The following LRRC18 variants were observed in gnomAD, a reference collection of about 807,000 sequenced individuals.
LRRC18 encodes leucine rich repeat containing 18.
LRRC18 carries 12 observed loss-of-function variants against 11.2 expected under a neutral mutation model. The ratio of observed to expected loss-of-function variants is 1.07; its 90% CI spans 0.69 to 1.74. The LOEUF is 1.74. Ranked by LOEUF, LRRC18 falls within the 40% of genes most tolerant of loss-of-function variation. The pLI is 0.00. For missense variants in LRRC18, 374 were observed against 330.5 expected (o/e 1.13, Z -1.02); for synonymous variants, 155 against 130.6 (o/e 1.19, Z -1.27).
the LRRC18 span, among the ~76,000 whole-genome samples, chr10:48,923,526 G>A: frequency 0.5 from 59,878 of 120,018 alleles, 19,318 homozygotes; most frequent in East Asian, 0.99. Context: ...CCCAAATACC[G>A]CATAGTCCTG....
chr10:48,925,091 T>C, the LRRC18 span, among the ~76,000 whole-genome samples: 1 of 152,202 alleles, frequency 6.6e-6, no homozygotes, highest in Admixed American at 6.5e-5. Flanking sequence ...CTTTTACTTG[T>C]CGGTCATCTC....
the LRRC18 span, among the ~76,000 whole-genome samples, chr10:48,920,538 A>G: frequency 6.6e-6 from 1 of 151,818 alleles, no homozygotes. Context: ...GAAAAAAAAG[A>G]AAAAAAAAGC....
chr10:48,938,079 G>A, the LRRC18 span, among the ~76,000 whole-genome samples: 1 of 152,212 alleles, frequency 6.6e-6, no homozygotes, highest in East Asian at 1.9e-4. Flanking sequence ...GCCCACATAA[G>A]CAAATTTTCT....
chr10:48,931,954 C>T, the LRRC18 span, among the ~76,000 whole-genome samples: 15 of 152,314 alleles, frequency 9.8e-5, no homozygotes, highest in South Asian at 2.1e-4. Context: ...TTAGTCATGC[C>T]GGCTGTCCCT....
chr10:48,918,836 A>G (rs1386032071), upstream of LRRC18, among the ~76,000 whole-genome samples: 1 of 152,216 alleles, frequency 6.6e-6, no homozygotes, highest in Non-Finnish European at 1.5e-5. Context: ...GATTCTACCC[A>G]CTGGTTGCCA....
At chr10:48,926,421 C>G in the LRRC18 span, among the ~76,000 whole-genome samples, 5 of 152,302 alleles carry the variant, frequency 3.3e-5, no homozygotes, top group South Asian at 1.0e-3. Context: ...AGAGAGTCTG[C>G]TAAATGAAGG....
intron 1 of LRRC18, among the ~76,000 whole-genome samples, chr10:48,913,066 G>A (rs779845218): frequency 1.2e-4 from 19 of 152,194 alleles, no homozygotes; most frequent in Non-Finnish European, 2.6e-4. Context: ...GTGTGTGGCG[G>A]CATTAGCTGC....
chr10:48,914,874 TG>T (rs1204443550), upstream of LRRC18, among the ~76,000 whole-genome samples: 3 of 152,096 alleles, frequency 2.0e-5, no homozygotes, highest in African/African-American at 7.2e-5. Flanking sequence ...CACAGGGGGA[TG>T]GGGGGTGCGG....
chr10:48,934,074 G>C, the LRRC18 span, among the ~76,000 whole-genome samples: 21 of 152,182 alleles, frequency 1.4e-4, no homozygotes, highest in African/African-American at 5.1e-4. Flanking sequence ...GAAGGCATGT[G>C]ATCAGAGCAG....
chr10:48,917,985 G>T (rs180800335), upstream of LRRC18, among the ~76,000 whole-genome samples: 125 of 152,238 alleles, frequency 8.2e-4, no homozygotes, highest in African/African-American at 2.9e-3. Context: ...TGGTGGTAAG[G>T]GTTTTACACT....
chr10:48,914,243 A>G, upstream of LRRC18: 4 of 1,407,156 alleles, frequency 2.8e-6, no homozygotes, highest in Non-Finnish European at 3.8e-6. Context: ...CTGCTGAAAG[A>G]TAAGAAAACA....
chr10:48,918,072 G>A (rs1052502351), upstream of LRRC18, among the ~76,000 whole-genome samples: 2 of 151,902 alleles, frequency 1.3e-5, no homozygotes, highest in African/African-American at 4.8e-5. Flanking sequence ...CAATCACTAA[G>A]GCAATATATA....
chr10:48,939,657 C>A, the LRRC18 span, among the ~76,000 whole-genome samples: 4 of 152,332 alleles, frequency 2.6e-5, no homozygotes, highest in East Asian at 5.8e-4. Flanking sequence ...CAGTTACCAA[C>A]AAAATTCACA....
chr10:48,920,355 G>A, the LRRC18 span, among the ~76,000 whole-genome samples: 24 of 151,276 alleles, frequency 1.6e-4, no homozygotes, highest in Non-Finnish European at 3.2e-4. Flanking sequence ...ATCACACACC[G>A]GGGCCTGTTG....
At chr10:48,924,093 C>T in the LRRC18 span, among the ~76,000 whole-genome samples, 14 of 152,232 alleles carry the variant, frequency 9.2e-5, no homozygotes, top group African/African-American at 3.1e-4. Flanking sequence ...CATTAATCAC[C>T]TCAAGGTAAA....
the LRRC18 span, among the ~76,000 whole-genome samples, chr10:48,932,950 C>T: frequency 6.6e-6 from 1 of 152,038 alleles, no homozygotes; most frequent in African/African-American, 2.4e-5. Flanking sequence ...TGAGCAAGGG[C>T]AGTGCAAGGT....
At chr10:48,933,813 G>T in the LRRC18 span, among the ~76,000 whole-genome samples, 2 of 152,104 alleles carry the variant, frequency 1.3e-5, no homozygotes, top group Middle Eastern at 3.2e-3. Flanking sequence ...GGTTTCAGGG[G>T]CCTGGAAACA....
At chr10:48,930,537 C>T in the LRRC18 span, among the ~76,000 whole-genome samples, 4 of 152,074 alleles carry the variant, frequency 2.6e-5, no homozygotes, top group East Asian at 5.8e-4. Context: ...GGCAAAGAGA[C>T]GAGATGAAGC....
intron 1 of LRRC18, among the ~76,000 whole-genome samples, chr10:48,912,290 G>A (rs575238264): frequency 6.6e-6 from 1 of 152,322 alleles, no homozygotes; most frequent in African/African-American, 2.4e-5. Context: ...CTTCTGCTGA[G>A]TACGTTCTCC....
Sources: gnomAD v4.1 joint callset for allele counts (sites outside exome capture counted in the v4.1 genomes callset) on GRCh38, gnomAD v4.1.1 for gene constraint, MANE v1.5 for transcripts, NCBI Gene and HGNC (gene_info 2026-07-23, HGNC 2026-07-21) for gene names.